The following KCNJ6 variants were observed in gnomAD, a reference collection of about 807,000 sequenced individuals.
KCNJ6 encodes G protein-activated inward rectifier potassium channel 2.
Under a neutral mutation model 34.2 loss-of-function variants are expected in KCNJ6, and 9 were observed. The ratio of observed to expected loss-of-function variants is 0.26; its 90% CI spans 0.16 to 0.46. The LOEUF is 0.46. Among genes scored for constraint, KCNJ6 ranks in the 20% least tolerant of loss-of-function variants. The pLI, the probability that KCNJ6 is intolerant of heterozygous loss-of-function variation, is 1.00. For synonymous variants in KCNJ6, 196 were observed against 207.1 expected (o/e 0.95, Z 0.46); for missense variants, 236 against 531.3 (o/e 0.44, Z 5.46).
chr21:37,690,927 A>T (rs1260875148), intron 3 of KCNJ6, among the ~76,000 whole-genome samples: 2 of 151,928 alleles, frequency 1.3e-5, no homozygotes, highest in Non-Finnish European at 2.9e-5. Flanking sequence ...GATTGCAGGC[A>T]TCTGCCACCA....
At chr21:37,822,847 A>C (rs991124011) in intron 2 of KCNJ6, among the ~76,000 whole-genome samples, 3 of 152,232 alleles carry the variant, frequency 2.0e-5, no homozygotes, top group African/African-American at 7.2e-5. Context: ...AGAATGTTTC[A>C]GTGGAATTGA....
At chr21:37,633,438 C>T (rs759540824) in intron 3 of KCNJ6, among the ~76,000 whole-genome samples, 12 of 152,146 alleles carry the variant, frequency 7.9e-5, no homozygotes, top group Middle Eastern at 3.4e-3. Context: ...TGCTTGCTAT[C>T]ACCTTTTCTA....
chr21:37,771,836 T>C (rs1434527023), intron 2 of KCNJ6, among the ~76,000 whole-genome samples: 2 of 152,192 alleles, frequency 1.3e-5, no homozygotes, highest in African/African-American at 2.4e-5. Context: ...TCTGGGCAAA[T>C]AAGTCTGAGA....
At chr21:37,910,181 A>T (rs1192701774) in intron 1 of KCNJ6, among the ~76,000 whole-genome samples, 2 of 152,148 alleles carry the variant, frequency 1.3e-5, no homozygotes, top group African/African-American at 4.8e-5. Flanking sequence ...TTGTTTTGTA[A>T]GCCACTGAGA....
rs2054303575 is a variant in KCNJ6 at position 37,624,841 on chromosome 21, C to G, written c.*318G>C. On this transcript the variant is annotated 3_prime_UTR_variant, in exon 4 of 4. Coordinates refer to ENST00000609713, the MANE Select transcript of KCNJ6 (RefSeq NM_002240.5). ...TCTTTGACACACCTTTTTGAGTGAT[C>G]TGGTATTGTACAACACATGCAGGTA... 1 of 315,110 alleles carries G rather than the reference C, an allele frequency of 3.2e-6. No homozygotes were observed. Among genetic ancestry groups the G allele is most frequent in the South Asian group, 5.4e-5 (1 of 18,460 alleles). The allele number at this position is 315,110 out of a possible 1,614,324, so 19.5% of individuals were successfully genotyped here. A position where few individuals can be genotyped will look rare whatever the true frequency, so the allele number is the denominator to read the frequency against.
At chr21:37,795,077 G>T (rs766270393) in intron 2 of KCNJ6, among the ~76,000 whole-genome samples, 51 of 152,148 alleles carry the variant, frequency 3.4e-4, no homozygotes, top group Non-Finnish European at 6.6e-4. Context: ...TTCAAACATT[G>T]CTCTACATGT....
chr21:37,779,068 T>G (rs1240934201), intron 2 of KCNJ6, among the ~76,000 whole-genome samples: 1 of 152,136 alleles, frequency 6.6e-6, no homozygotes, highest in East Asian at 1.9e-4. Flanking sequence ...TATTTAAAAT[T>G]TAGATATTTT....
intron 3 of KCNJ6, among the ~76,000 whole-genome samples, chr21:37,661,686 C>T (rs576404479): frequency 1.6e-5 from 2 of 128,480 alleles, no homozygotes; most frequent in Non-Finnish European, 1.6e-5. Flanking sequence ...TGCAGTGGCG[C>T]GATCTCGCTC....
chr21:37,721,071 T>C (rs2054823950), intron 2 of KCNJ6, among the ~76,000 whole-genome samples: 1 of 152,138 alleles, frequency 6.6e-6, no homozygotes. Context: ...AAAGAACTCT[T>C]ACACCTTAAC....
chr21:37,761,701 T>C (rs778260786), intron 2 of KCNJ6, among the ~76,000 whole-genome samples: 57 of 151,710 alleles, frequency 3.8e-4, no homozygotes, highest in Non-Finnish European at 7.7e-4. Context: ...GTGTTGTATG[T>C]AGTGCATGTG....
intron 2 of KCNJ6, among the ~76,000 whole-genome samples, chr21:37,835,172 C>T (rs2055445761): frequency 6.6e-6 from 1 of 152,160 alleles, no homozygotes; most frequent in Admixed American, 6.5e-5. Context: ...CCACAGGTAG[C>T]TCAGGCGGCC....
At chr21:37,898,060 G>A (rs765074820) in intron 1 of KCNJ6, among the ~76,000 whole-genome samples, 7 of 152,184 alleles carry the variant, frequency 4.6e-5, no homozygotes, top group Non-Finnish European at 8.8e-5. Context: ...CATGTTGACC[G>A]CCCTTTAAAA....
chr21:37,738,410 T>C (rs1185882788), intron 2 of KCNJ6, among the ~76,000 whole-genome samples: 1 of 152,246 alleles, frequency 6.6e-6, no homozygotes, highest in Non-Finnish European at 1.5e-5. Context: ...TCTTGCCTTC[T>C]CCAGCAAAGG....
intron 2 of KCNJ6, among the ~76,000 whole-genome samples, chr21:37,773,409 C>T (rs2055127022): frequency 6.6e-6 from 1 of 152,146 alleles, no homozygotes; most frequent in African/African-American, 2.4e-5. Context: ...CAAGATAGTT[C>T]CTGGTAAGGG....
At chr21:37,703,993 G>T (rs1447069687) in intron 3 of KCNJ6, among the ~76,000 whole-genome samples, 2 of 152,240 alleles carry the variant, frequency 1.3e-5, no homozygotes, top group East Asian at 3.8e-4. Context: ...CCTGGTTTGT[G>T]GGTGGCCCCT....
At chr21:37,752,962 T>C (rs916817446) in intron 2 of KCNJ6, among the ~76,000 whole-genome samples, 4 of 152,140 alleles carry the variant, frequency 2.6e-5, no homozygotes, top group African/African-American at 7.2e-5. Flanking sequence ...CAAGGTGTTA[T>C]ATATTAAGTA....
chr21:37,634,895 A>C (rs986629434), intron 3 of KCNJ6, among the ~76,000 whole-genome samples: 1 of 151,744 alleles, frequency 6.6e-6, no homozygotes, highest in Non-Finnish European at 1.5e-5. Flanking sequence ...AGGAGCTGGG[A>C]TTACAGGCTT....
In KCNJ6 at chr21:37,869,337, T is replaced by C. The variant is rs189664082; in HGVS notation, c.-27-28628A>G. Among the ~76,000 whole-genome samples the C allele has an allele frequency of 4.7e-3, 717 of 152,380 alleles. 2 individuals are homozygous for C. The highest frequency in any genetic ancestry group is 7.2e-3 in the Non-Finnish European group (491 of 68,036). ...ACCTACTGTATGCCAAGCATTCCTTTCTGGGTAATAATTCATAGAAATAAT... is the reference window on the plus strand; with the variant it reads ...ACCTACTGTATGCCAAGCATTCCTTCCTGGGTAATAATTCATAGAAATAAT... On this transcript the variant is annotated intron_variant, in intron 1 of 3. Coordinates refer to ENST00000609713, the MANE Select transcript of KCNJ6 (RefSeq NM_002240.5).
At position 37,846,548 on chromosome 21, in the gene KCNJ6, C is replaced by T. The variant is rs567781747; in HGVS notation, c.-27-5839G>A. On this transcript the variant is annotated intron_variant, in intron 1 of 3. Coordinates refer to ENST00000609713, the MANE Select transcript of KCNJ6 (RefSeq NM_002240.5). The stretch of plus-strand genomic sequence containing the variant: ...CAGAACCCAGTGAGGTCTGCATTTT[C>T]GGTGGTGCTGCCTTGCTTTCTGCTA... 2.9e-3 allele frequency among the ~76,000 whole-genome samples: 439 copies of T among 151,952 alleles called. 1 individual carries two copies. The highest frequency in any genetic ancestry group is 0.01 in the African/African-American group (415 of 41,446).
Sources: gnomAD v4.1 joint callset for allele counts (sites outside exome capture counted in the v4.1 genomes callset) on GRCh38, gnomAD v4.1.1 for gene constraint, MANE v1.5 for transcripts, NCBI Gene and HGNC (gene_info 2026-07-23, HGNC 2026-07-21) for gene names.